The following PPM1D variants were observed in gnomAD, a reference collection of about 807,000 sequenced individuals.
PPM1D encodes protein phosphatase 1D.
A neutral mutation model predicts 58.3 loss-of-function variants in PPM1D; 52 were observed. The ratio of observed to expected loss-of-function variants is 0.89; its 90% CI spans 0.71 to 1.12. PPM1D has a LOEUF of 1.12. Among genes scored for constraint, PPM1D ranks in the 50% most tolerant of loss-of-function variants. PPM1D has a pLI of 0.00. For synonymous variants in PPM1D, 278 were observed against 285.1 expected, an observed-to-expected ratio of 0.98 and a Z score of 0.25; for missense variants, 564 against 777.2, an observed-to-expected ratio of 0.73 and a Z score of 3.26.
At chr17:60,611,044 G>A (rs1438109073) in intron 1 of PPM1D, among the ~76,000 whole-genome samples, 3 of 152,166 alleles carry the variant, frequency 2.0e-5, no homozygotes, top group African/African-American at 2.4e-5. Context: ...ACGGAGTCTC[G>A]CTCTGTTGCC....
chr17:60,602,171 CT>C (rs1296258557), intron 1 of PPM1D, among the ~76,000 whole-genome samples: 5 of 152,104 alleles, frequency 3.3e-5, no homozygotes, highest in African/African-American at 9.7e-5. Context: ...AGGGGCCCCT[CT>C]TTATGGATTT....
chr17:60,651,260 C>T (rs1016969690), intron 4 of PPM1D, among the ~76,000 whole-genome samples: 4 of 152,006 alleles, frequency 2.6e-5, no homozygotes, highest in African/African-American at 9.7e-5. Flanking sequence ...AACCACATGC[C>T]GTAGGGAATG....
rs766235555 is a variant in PPM1D, at chr17:60,665,764, C to T, written c.*2212C>T. 5.3e-5 allele frequency: 8 copies of T among 152,158 alleles called. No individual in the cohort carries two copies. Among genetic ancestry groups the T allele is most frequent in the Admixed American group, 2.0e-4 (3 of 15,266 alleles). The allele number at this position is 152,158 out of a possible 1,614,324, so 9.4% of individuals were successfully genotyped here. Reference sequence around the variant, plus strand: ...GCTACCAACCAGGGCTACAATCTTTCGAAGGTGTCATTGGGGCTAGAAGAT... The same window carrying T: ...GCTACCAACCAGGGCTACAATCTTTTGAAGGTGTCATTGGGGCTAGAAGAT... On this transcript the variant is annotated 3_prime_UTR_variant, in exon 6 of 6. Transcript: ENST00000305921.
chr17:60,643,242 G>C (rs1238680742), intron 3 of PPM1D, among the ~76,000 whole-genome samples: 1 of 151,930 alleles, frequency 6.6e-6, no homozygotes, highest in South Asian at 2.1e-4. Flanking sequence ...AATTAGCCTA[G>C]CATGGTGGCA....
intron 2 of PPM1D, among the ~76,000 whole-genome samples, chr17:60,633,287 AAACAAC>A (rs937270337): frequency 1.3e-5 from 2 of 152,188 alleles, no homozygotes; most frequent in African/African-American, 2.4e-5. Flanking sequence ...TCCATCTCAA[AAACAAC>A]AACAACAACA....
At position 60,600,595 on chromosome 17, in the gene PPM1D, G is replaced by A; in HGVS notation, c.181G>A (p.Gly61Ser). 3.9e-6 allele frequency: 6 copies of A among 1,558,002 alleles called. No individual in the cohort carries two copies. Among genetic ancestry groups the A allele is most frequent in the African/African-American group, 1.4e-5 (1 of 73,308 alleles). ...PRPSPAALPG[G>S]EVSGKGPAVA... ...GCCGTCGCCGGCCGCCCTTCCCGGC[G>A]GCGAAGTCTCGGGGAAAGGCCCAGC... Residue 61 changes from glycine to serine, a missense_variant, in exon 1 of 6, where the codon GGC (glycine) becomes AGC (serine). Physicochemically the swap from Gly to Ser is moderately conservative, Grantham distance 56. Transcript: ENST00000305921.
intron 1 of PPM1D, among the ~76,000 whole-genome samples, chr17:60,607,405 C>T (rs953865623): frequency 6.6e-6 from 1 of 152,210 alleles, no homozygotes; most frequent in Admixed American, 6.5e-5. Flanking sequence ...GCCTCAGCTT[C>T]CCGAGTAACT....
intron 4 of PPM1D, among the ~76,000 whole-genome samples, chr17:60,649,726 A>G (rs1310051554): frequency 6.6e-6 from 1 of 152,164 alleles, no homozygotes; most frequent in Non-Finnish European, 1.5e-5. Context: ...CACTCAATTA[A>G]CATACTAGGT....
At chr17:60,620,311 CTG>C (rs1408769259) in intron 1 of PPM1D, among the ~76,000 whole-genome samples, 2 of 151,650 alleles carry the variant, frequency 1.3e-5, no homozygotes, top group African/African-American at 4.8e-5. Flanking sequence ...CAGTTTTTAA[CTG>C]TGTTTTTGTT....
intron 1 of PPM1D, among the ~76,000 whole-genome samples, chr17:60,617,117 T>TAA (rs202213979): frequency 6.7e-6 from 1 of 148,882 alleles, no homozygotes; most frequent in African/African-American, 2.5e-5. Flanking sequence ...CCTGGTTAAT[T>TAA]AAAAAAAAAA....
intron 1 of PPM1D, among the ~76,000 whole-genome samples, chr17:60,601,601 T>A (rs371505785): frequency 1.1e-4 from 17 of 152,200 alleles, no homozygotes; most frequent in African/African-American, 4.1e-4. Flanking sequence ...TTTTGGAAAT[T>A]GCCTTAGCTG....
intron 3 of PPM1D, among the ~76,000 whole-genome samples, chr17:60,644,905 G>A (rs1340535298): frequency 6.6e-6 from 1 of 152,156 alleles, no homozygotes; most frequent in African/African-American, 2.4e-5. Context: ...AACAAACTGT[G>A]TTTAAGATTT....
intron 4 of PPM1D, among the ~76,000 whole-genome samples, chr17:60,656,034 A>T (rs1485607210): frequency 6.6e-6 from 1 of 152,092 alleles, no homozygotes; most frequent in African/African-American, 2.4e-5. Flanking sequence ...GTGAAGGCTG[A>T]GTTTCTTGAT....
chr17:60,645,566 A>G (rs1466823596), intron 3 of PPM1D, among the ~76,000 whole-genome samples: 1 of 137,754 alleles, frequency 7.3e-6, no homozygotes, highest in Non-Finnish European at 1.5e-5. Flanking sequence ...GTGTGTGTAT[A>G]TATATGTATA....
intron 3 of PPM1D, among the ~76,000 whole-genome samples, chr17:60,645,456 ATGTGTGTGTGTGTGTG>A (rs371276467): frequency 4.0e-5 from 5 of 123,940 alleles, no homozygotes; most frequent in African/African-American, 9.4e-5. Context: ...TAAAATATAT[ATGTGTGTGTGTGTGTG>A]TGTGTGTGTG....
intron 3 of PPM1D, among the ~76,000 whole-genome samples, chr17:60,642,833 G>C (rs991969347): frequency 3.0e-4 from 45 of 151,992 alleles, no homozygotes; most frequent in African/African-American, 1.1e-3. Context: ...TTGGAAGGCC[G>C]AGGTGGGCGG....
chr17:60,651,689 C>T (rs1410119221), intron 4 of PPM1D, among the ~76,000 whole-genome samples: 1 of 152,122 alleles, frequency 6.6e-6, no homozygotes, highest in Non-Finnish European at 1.5e-5. Context: ...AACCACCATG[C>T]CAAGCCACCA....
intron 2 of PPM1D, among the ~76,000 whole-genome samples, chr17:60,628,654 A>G (rs1448150445): frequency 6.6e-6 from 1 of 152,134 alleles, no homozygotes; most frequent in East Asian, 1.9e-4. Flanking sequence ...ATTGTTTGTA[A>G]TATACTAGGT....
At chr17:60,614,480 C>CA (rs1351289705) in intron 1 of PPM1D, among the ~76,000 whole-genome samples, 1 of 152,160 alleles carries the variant, frequency 6.6e-6, no homozygotes, top group Non-Finnish European at 1.5e-5. Context: ...CTCTGTAAAA[C>CA]AGACTAATCA....
Sources: allele counts gnomAD v4.1 joint callset (sites outside exome capture counted in the v4.1 genomes callset), GRCh38; gene constraint gnomAD v4.1.1; transcripts MANE v1.5; gene names NCBI Gene and HGNC (gene_info 2026-07-23, HGNC 2026-07-21).